The following PSMA1 variants were observed in gnomAD, a reference collection of about 807,000 sequenced individuals.
PSMA1 encodes the protein proteasome subunit alpha type-1.
Under a neutral mutation model 38.4 loss-of-function variants are expected in PSMA1, and 3 were observed. The ratio of observed to expected loss-of-function variants is 0.08; its 90% CI spans 0.04 to 0.20. The LOEUF is 0.20. PSMA1 is among the 10% of genes least tolerant of loss of function. The probability of loss-of-function intolerance (pLI) is 1.00; values close to 1 mark genes in which losing one functional copy is unlikely to be tolerated. For missense variants in PSMA1, 227 were observed against 325.3 expected (o/e 0.70, Z 2.32); for synonymous variants, 101 against 107.1 (o/e 0.94, Z 0.35).
At chr11:14,545,592 TGAG>T in intron 2 of PSMA1, among the ~76,000 whole-genome samples, 1 of 152,368 alleles carries the variant, frequency 6.6e-6, no homozygotes, top group East Asian at 1.9e-4. Context: ...GTTAGTTTGC[TGAG>T]GATAATGGCT....
chr11:14,573,178 C>T (rs1040421855), intron 2 of PSMA1, among the ~76,000 whole-genome samples: 1 of 152,156 alleles, frequency 6.6e-6, no homozygotes, highest in Non-Finnish European at 1.5e-5. Context: ...CCAGCATCAT[C>T]CTGATACCAA....
At chr11:14,609,044 A>G (rs1015313957) in intron 2 of PSMA1, among the ~76,000 whole-genome samples, 3 of 152,198 alleles carry the variant, frequency 2.0e-5, no homozygotes, top group African/African-American at 7.2e-5. Flanking sequence ...CCTAGAATGG[A>G]TGCAGTTCCT....
At chr11:14,536,697 C>T (rs1261205453) in intron 2 of PSMA1, among the ~76,000 whole-genome samples, 2 of 152,014 alleles carry the variant, frequency 1.3e-5, no homozygotes, top group African/African-American at 2.4e-5. Flanking sequence ...TCGCAAGCTC[C>T]GCCTCCTGAG....
At chr11:14,553,994 G>C (rs1314738445) in intron 2 of PSMA1, among the ~76,000 whole-genome samples, 1 of 152,064 alleles carries the variant, frequency 6.6e-6, no homozygotes, top group Non-Finnish European at 1.5e-5. Flanking sequence ...CATTATTTTA[G>C]CCATCCTAAT....
At chr11:14,571,227 T>C (rs1202652286) in intron 2 of PSMA1, among the ~76,000 whole-genome samples, 1 of 152,158 alleles carries the variant, frequency 6.6e-6, no homozygotes, top group South Asian at 2.1e-4. Flanking sequence ...CACGCCCGGC[T>C]AATTTTTTGT....
At chr11:14,634,486 T>G (rs913768853) in intron 1 of PSMA1, among the ~76,000 whole-genome samples, 1 of 151,970 alleles carries the variant, frequency 6.6e-6, no homozygotes, top group African/African-American at 2.4e-5. Context: ...CACTTAATTC[T>G]TCGTAAAATT....
chr11:14,568,941 G>C (rs2134176818), intron 2 of PSMA1, among the ~76,000 whole-genome samples: 1 of 152,338 alleles, frequency 6.6e-6, no homozygotes, highest in Admixed American at 6.5e-5. Flanking sequence ...AGGCTGCACA[G>C]AGTAGGGGGG....
At chr11:14,602,872 T>G (rs1852601047) in intron 2 of PSMA1, among the ~76,000 whole-genome samples, 1 of 152,164 alleles carries the variant, frequency 6.6e-6, no homozygotes, top group Non-Finnish European at 1.5e-5. Context: ...TGAGTTCCGC[T>G]CAGAAAGATC....
chr11:14,617,637 C>T (rs954530327), intron 1 of PSMA1, among the ~76,000 whole-genome samples: 1 of 151,384 alleles, frequency 6.6e-6, no homozygotes, highest in Non-Finnish European at 1.5e-5. Context: ...TCATCTTCAG[C>T]CTCTTTATTG....
chr11:14,613,830 T>G (rs1169649682), intron 1 of PSMA1, among the ~76,000 whole-genome samples: 1 of 152,182 alleles, frequency 6.6e-6, no homozygotes, highest in Non-Finnish European at 1.5e-5. Flanking sequence ...CTTCCACAAA[T>G]GAAACAAAAG....
In PSMA1 at chr11:14,601,367, C is replaced by T. The variant is rs182458260; in HGVS notation, c.21+9599G>A. ...TCCTGTTCCTAAACTAAGTTCTAGC[C>T]TCCTGGATGCCCAGCTACATAACTA... On this transcript the variant is annotated intron_variant, in intron 2 of 10. Transcript: ENST00000418988. Among the ~76,000 whole-genome samples, 205 of 152,262 alleles carry T rather than the reference C, an allele frequency of 1.3e-3. 2 individuals are homozygous for T. Among genetic ancestry groups the T allele is most frequent in the Non-Finnish European group, 4.3e-4 (29 of 68,026 alleles).
chr11:14,586,982 G>T (rs557833706), intron 2 of PSMA1, among the ~76,000 whole-genome samples: 1 of 151,978 alleles, frequency 6.6e-6, no homozygotes, highest in Non-Finnish European at 1.5e-5. Context: ...GGATGGTCTC[G>T]ATCTCCTGAC....
chr11:14,522,945 A>G (rs1163294941), upstream of PSMA1, among the ~76,000 whole-genome samples: 1 of 152,238 alleles, frequency 6.6e-6, no homozygotes, highest in Non-Finnish European at 1.5e-5. Context: ...TACCTGAAAC[A>G]AAGCCTGGCA....
In PSMA1 at chr11:14,638,684, T is replaced by G. The variant is rs1853159121; in HGVS notation, c.-166+4771A>C. 2.8e-5 allele frequency among the ~76,000 whole-genome samples: 4 copies of G among 144,422 alleles called. 1 individual carries two copies. Among genetic ancestry groups the G allele is most frequent in the South Asian group, 4.6e-4 (2 of 4,360 alleles). 94.7% of individuals were successfully genotyped at this position (144,422 alleles called of 152,430 possible). A position where few individuals can be genotyped will look rare whatever the true frequency, so the allele number is the denominator to read the frequency against. Reference sequence around the variant, plus strand: ...CTGCTTTCTGGGGGAAAAGGCAGTTTGCTTTTGCTGCCTCCTGTAGATTGC... The same window carrying G: ...CTGCTTTCTGGGGGAAAAGGCAGTTGGCTTTTGCTGCCTCCTGTAGATTGC... On this transcript the variant is annotated intron_variant, in intron 1 of 10. Transcript: ENST00000418988.
At chr11:14,631,260 T>C (rs935672820) in intron 1 of PSMA1, among the ~76,000 whole-genome samples, 1 of 152,162 alleles carries the variant, frequency 6.6e-6, no homozygotes, top group African/African-American at 2.4e-5. Context: ...GTGATGTTAG[T>C]GTGTCAATTT....
chr11:14,505,588 CTTT>C (rs11414969), intron 9 of PSMA1, among the ~76,000 whole-genome samples: 3 of 150,884 alleles, frequency 2.0e-5, no homozygotes, highest in Non-Finnish European at 4.4e-5. Flanking sequence ...TAGGGTGAAG[CTTT>C]TTTTTGTTTG....
chr11:14,579,809 C>T (rs1225431701), intron 2 of PSMA1, among the ~76,000 whole-genome samples: 1 of 152,178 alleles, frequency 6.6e-6, no homozygotes, highest in Non-Finnish European at 1.5e-5. Flanking sequence ...GGCACATGTA[C>T]TTTGAAAATG....
intron 2 of PSMA1, among the ~76,000 whole-genome samples, chr11:14,527,533 A>C (rs545728307): frequency 8.0e-5 from 12 of 150,518 alleles, no homozygotes; most frequent in African/African-American, 2.7e-4. Flanking sequence ...CTATTCTACT[A>C]CTCCTCAGGG....
chr11:14,635,112 C>G lies in PSMA1; in HGVS notation c.-166+8343G>C, dbSNP rs1853095463. Among the ~76,000 whole-genome samples the G allele has an allele frequency of 2.0e-5, 3 of 152,018 alleles. No homozygotes were observed. The South Asian group carries it at 6.2e-4, about 32-fold the overall frequency. ...GCTGGTCTGGACAACATTTGAGAAG[C>G]TATAATGAGAGGAAATCTGATGTAA... On this transcript the variant is annotated intron_variant, in intron 1 of 10. Transcript: ENST00000418988.
Sources: gnomAD v4.1 joint callset for allele counts (sites outside exome capture counted in the v4.1 genomes callset) on GRCh38, gnomAD v4.1.1 for gene constraint, MANE v1.5 for transcripts, NCBI Gene and HGNC (gene_info 2026-07-23, HGNC 2026-07-21) for gene names.